Variants in TJP1 observed in about 807,000 individuals in gnomAD.
The protein encoded by TJP1 is tight junction protein 1.
In TJP1, 43 loss-of-function variants were observed where a neutral mutation model predicts 194.2. The ratio of observed to expected loss-of-function variants is 0.22; its 90% confidence interval spans 0.17 to 0.29. The LOEUF is 0.29. Ranked by LOEUF, TJP1 falls within the 10% of genes least tolerant of loss-of-function variation. The pLI, the probability that TJP1 is intolerant of heterozygous loss-of-function variation, is 1.00. For missense variants in TJP1, 1,971 were observed against 2,185.7 expected, an observed-to-expected ratio of 0.90 and a Z score of 1.96; for synonymous variants, 801 against 779.0, an observed-to-expected ratio of 1.03 and a Z score of -0.47.
chr15:29,711,545 T>C (rs946407516), intron 23 of TJP1, among the ~76,000 whole-genome samples: 1 of 152,138 alleles, frequency 6.6e-6, no homozygotes, highest in African/African-American at 2.4e-5. Context: ...TTTGTACTTT[T>C]AGTAGAGATG....
At chr15:29,886,826 C>CA (rs2053130411) in intron 2 of TJP1, among the ~76,000 whole-genome samples, 1 of 151,666 alleles carries the variant, frequency 6.6e-6, no homozygotes, top group African/African-American at 2.4e-5. Flanking sequence ...ATGTCATGGG[C>CA]TCGGTGGTAA....
chr15:29,823,380 A>G (rs184727986), upstream of TJP1: 14 of 152,154 alleles, frequency 9.2e-5, no homozygotes, highest in East Asian at 2.7e-3. Flanking sequence ...TAAGAAACCA[A>G]TCCTAGACTC....
chr15:29,746,103 G>A (rs1045648490), intron 8 of TJP1, among the ~76,000 whole-genome samples: 3 of 152,226 alleles, frequency 2.0e-5, no homozygotes, highest in Non-Finnish European at 4.4e-5. Flanking sequence ...AAACGGCTGG[G>A]CGCAGTGGCT....
Position 29,854,929 on chromosome 15 carries a change from T to C in TJP1, c.307-54227A>G, listed in dbSNP as rs2152090378. Among the ~76,000 whole-genome samples the C allele has an allele frequency of 1.3e-5, 2 of 152,330 alleles. 1 individual carries two copies. The highest frequency in any genetic ancestry group is 4.2e-4 in the South Asian group (2 of 4,816). On this transcript the variant is annotated intron_variant, in intron 2 of 28. Coordinates refer to the TJP1 transcript ENST00000356107. ...AAAAAAGGTTAGAAACAACTAACTT[T>C]TAATTCTGTTCAAAGAGAAGCAGTA... is the stretch of plus-strand genomic sequence containing the variant.
At chr15:29,718,184 T>G in intron 21 of TJP1, 66 bp from the exon 22 acceptor site, 16 of 1,576,480 alleles carry the variant, frequency 1.0e-5, no homozygotes, top group Non-Finnish European at 1.3e-5. Flanking sequence ...ACAGAATAGA[T>G]ATCATGTAAT....
At position 29,912,695 on chromosome 15, in the gene TJP1, C is replaced by CAAAAAAAAA. The variant is rs71103416; in HGVS notation, c.306+43528_306+43536dup. Among the ~76,000 whole-genome samples the CAAAAAAAAA allele has an allele frequency of 8.8e-4, 57 of 64,958 alleles. 2 individuals carry two copies. The highest frequency in any genetic ancestry group is 4.7e-3 in the African/African-American group (54 of 11,454). 42.6% of individuals were successfully genotyped at this position (64,958 alleles called of 152,430 possible). A position where few individuals can be genotyped will look rare whatever the true frequency, so the allele number is the denominator to read the frequency against. On this transcript the variant is annotated intron_variant, in intron 2 of 28. Transcript: ENST00000356107. ...TGGGAGACAGAGCAAGACTCTGTCT[C>CAAAAAAAAA]AAAAAAAAAAAAAAAAAAAAAAAAA...
At chr15:29,915,286 TA>T (rs1176068714) in intron 2 of TJP1, among the ~76,000 whole-genome samples, 1 of 151,690 alleles carries the variant, frequency 6.6e-6, no homozygotes, top group Admixed American at 6.6e-5. Context: ...TCTGTGTATG[TA>T]ATTAAAATAA....
chr15:29,714,765 T>C (rs2042458078), intron 23 of TJP1, among the ~76,000 whole-genome samples: 1 of 151,540 alleles, frequency 6.6e-6, no homozygotes, highest in Non-Finnish European at 1.5e-5. Context: ...ATGGTCTCGA[T>C]CTCCTGACCT....
chr15:29,844,580 T>C (rs2051341908), intron 2 of TJP1, among the ~76,000 whole-genome samples: 1 of 151,832 alleles, frequency 6.6e-6, no homozygotes, highest in African/African-American at 2.4e-5. Flanking sequence ...GGATGCATGG[T>C]ATGGAGAAAG....
chr15:29,729,626 T>C (rs916067214), intron 15 of TJP1: 3 of 151,946 alleles, frequency 2.0e-5, no homozygotes, highest in African/African-American at 7.3e-5. Flanking sequence ...GAGACCATCC[T>C]GGCTAACACG....
At chr15:29,968,347 G>C (rs2056401584) in intron 1 of TJP1, 2 of 985,306 alleles carry the variant, frequency 2.0e-6, no homozygotes, top group African/African-American at 1.7e-5. Context: ...GGAGCAGAAA[G>C]GACAGACAGA....
At chr15:29,781,272 GGA>G (rs1209523165) in intron 2 of TJP1, among the ~76,000 whole-genome samples, 1 of 151,998 alleles carries the variant, frequency 6.6e-6, no homozygotes, top group African/African-American at 2.4e-5. Flanking sequence ...GACTGAACCA[GGA>G]GAAACTGAAT....
intron 16 of TJP1, 119 bp from the exon 17 acceptor site, chr15:29,727,110 G>A (rs1952523770): frequency 2.4e-6 from 2 of 818,736 alleles, no homozygotes; most frequent in Admixed American, 2.5e-5. Flanking sequence ...TTGGGAGGTC[G>A]AGGTGGGTGA....
Position 29,701,514 on chromosome 15 carries a change from G to C in TJP1, c.*81C>G. ...AAACTGTAGTATCAACTCTAAAAAA[G>C]GTATAATACTTGATAGAGTGGTTCC... On this transcript the variant is annotated 3_prime_UTR_variant, in exon 28 of 28. Transcript: ENST00000614355. The C allele has an allele frequency of 1.7e-6, 2 of 1,150,436 alleles. No individual in the cohort carries two copies. Among genetic ancestry groups the C allele is most frequent in the Non-Finnish European group, 1.3e-6 (1 of 784,592 alleles). 71.3% of individuals were successfully genotyped at this position (1,150,436 alleles called of 1,614,324 possible).
rs145670771 is a variant in TJP1, at chr15:29,868,219, C to T, written c.307-67517G>A. On this transcript the variant is annotated intron_variant, in intron 2 of 28. Transcript: ENST00000356107. ...TGGGTGACAGAGTGAGACCCTCTCT[C>T]AAAAGGAAAAAATCAGCGGCAATAG... Among the ~76,000 whole-genome samples, 21 of 152,222 alleles carry T rather than the reference C, an allele frequency of 1.4e-4. No individual in the cohort carries two copies. The East Asian group carries it at 1.9e-3, about 14-fold the overall frequency.
At chr15:29,942,430 G>A (rs1483298362) in intron 2 of TJP1, among the ~76,000 whole-genome samples, 1 of 152,202 alleles carries the variant, frequency 6.6e-6, no homozygotes, top group Non-Finnish European at 1.5e-5. Context: ...AAGAGTTCTT[G>A]CAAGGTTGTC....
intron 1 of TJP1, among the ~76,000 whole-genome samples, chr15:29,958,769 C>CT (rs34397732): frequency 0.44 from 67,301 of 151,922 alleles, 15,356 homozygotes; most frequent in East Asian, 0.79. Context: ...TTCATTCCCC[C>CT]TCTTTCCCAG....
chr15:29,752,135 C>CT (rs1489781932), intron 8 of TJP1, among the ~76,000 whole-genome samples: 1 of 151,550 alleles, frequency 6.6e-6, no homozygotes, highest in African/African-American at 2.4e-5. Flanking sequence ...CGGAGTCTCG[C>CT]TCTGTCACCC....
At chr15:29,727,117 G>T in intron 16 of TJP1, 126 bp from the exon 17 acceptor site, 1 of 766,050 alleles carries the variant, frequency 1.3e-6, no homozygotes, top group Non-Finnish European at 2.1e-6. Context: ...GTCGAGGTGG[G>T]TGAATCACTT....
Sources: gnomAD v4.1 joint callset for allele counts (sites outside exome capture counted in the v4.1 genomes callset) on GRCh38, gnomAD v4.1.1 for gene constraint, MANE v1.5 for transcripts, NCBI Gene and HGNC (gene_info 2026-07-23, HGNC 2026-07-21) for gene names.